ACSM1: variants seen among roughly 807,000 people sequenced by gnomAD.
The protein encoded by ACSM1 is acyl-coenzyme A synthetase ACSM1, mitochondrial.
In ACSM1, 79 loss-of-function variants were observed where a neutral mutation model predicts 75.8. That is an observed-to-expected ratio of 1.04 (90% confidence interval 0.87 to 1.26). The LOEUF is 1.26. Ranked by LOEUF, ACSM1 falls within the 50% of genes most tolerant of loss-of-function variation. The pLI is 0.00. For synonymous variants in ACSM1, 279 were observed against 265.8 expected, an observed-to-expected ratio of 1.05 and a Z score of -0.48; for missense variants, 676 against 720.1, an observed-to-expected ratio of 0.94 and a Z score of 0.70.
intron 4 of ACSM1, chr16:20,674,121 G>C (rs1407047150): frequency 8.9e-6 from 4 of 447,710 alleles, no homozygotes; most frequent in Non-Finnish European, 1.8e-5. Context: ...GGAATTAAAA[G>C]AAATTAAAGA....
chr16:20,686,875 T>C (rs976050695), intron 2 of ACSM1, among the ~76,000 whole-genome samples: 10 of 151,916 alleles, frequency 6.6e-5, no homozygotes, highest in Non-Finnish European at 1.3e-4. Flanking sequence ...CAGTAGTATA[T>C]GTACAAGAAG....
chr16:20,648,756 G>A lies in ACSM1; in HGVS notation c.993-8172C>T. ...CAATCAGAAAATCCTTCTATGACCT[G>A]GAAGCCTCTGCTTTGAGTTGTTCCA... On this transcript the variant is annotated intron_variant, in intron 7 of 13. Coordinates refer to ENST00000520010, the MANE Select transcript of ACSM1 (RefSeq NM_001318890.3). The surrounding 1 kb of genome is among the most constrained non-coding windows in gnomAD (Gnocchi z 4.2). Among the ~76,000 whole-genome samples the A allele has an allele frequency of 6.6e-6, 1 of 152,106 alleles. No homozygotes were observed. The highest frequency in any genetic ancestry group is 1.9e-4 in the East Asian group (1 of 5,192).
intron 7 of ACSM1, among the ~76,000 whole-genome samples, chr16:20,646,382 C>T (rs1473915918): frequency 1.3e-5 from 2 of 152,204 alleles, no homozygotes; most frequent in Non-Finnish European, 2.9e-5. Context: ...CCAGATGATC[C>T]AGCAGCAGGA....
intron 10 of ACSM1, among the ~76,000 whole-genome samples, chr16:20,627,946 A>AGAAT (rs1412397261): frequency 1.4e-4 from 20 of 137,964 alleles, no homozygotes; most frequent in Non-Finnish European, 3.1e-5. Flanking sequence ...ACACTACACT[A>AGAAT]GAATGAAATT....
intron 12 of ACSM1, 140 bp downstream of exon 12, chr16:20,625,283 C>G: frequency 1.3e-6 from 1 of 748,200 alleles, no homozygotes; most frequent in Admixed American, 2.5e-5. Flanking sequence ...TCCACACTGT[C>G]CCCTGGTGCC....
At chr16:20,649,129 AG>A (rs1567269265) in intron 7 of ACSM1, among the ~76,000 whole-genome samples, 1 of 152,158 alleles carries the variant, frequency 6.6e-6, no homozygotes, top group Non-Finnish European at 1.5e-5. Context: ...TAGGGGTCCA[AG>A]AGCCTATGGC....
chr16:20,680,345 C>T (rs1239043599), intron 4 of ACSM1: 1 of 152,194 alleles, frequency 6.6e-6, no homozygotes, highest in African/African-American at 2.4e-5. Flanking sequence ...GGTCCATAAT[C>T]ATTCTATAAG....
chr16:20,669,472 AC>A (rs1268278703), intron 6 of ACSM1, among the ~76,000 whole-genome samples: 127 of 151,564 alleles, frequency 8.4e-4, no homozygotes, highest in Non-Finnish European at 1.3e-3. Context: ...ACACACACAC[AC>A]ACACACACAC....
rs374267586 is a variant in ACSM1 at position 20,640,503 on chromosome 16, C to T, written c.1074G>A (p.Arg358=). 1.7e-5 allele frequency: 27 copies of T among 1,614,076 alleles called. No individual in the cohort carries two copies. The highest frequency in any genetic ancestry group is 2.2e-5 in the Non-Finnish European group (26 of 1,180,024). The change falls in exon 8 of 14, where the codon CGG becomes CGA. Residue 358 remains arginine, a synonymous_variant. Coordinates refer to ENST00000520010, the MANE Select transcript of ACSM1 (RefSeq NM_001318890.3). Reference sequence around the variant, plus strand: ...AGTTCTCGTAGAGCAGAAGGCCCGTCCGTCTTTTCCACTCCTCCTGATCCT... The same window carrying T: ...AGTTCTCGTAGAGCAGAAGGCCCGTTCGTCTTTTCCACTCCTCCTGATCCT... ...LPKDQEEWKR[R]TGLLLYENYG...
In ACSM1 at chr16:20,625,368, C is replaced by A. The variant is rs184167683; in HGVS notation, c.1527+55G>T. Reference sequence around the variant, plus strand: ...AGGTAAAGCCTGGATGTTTCCCCTGCACCTGCTTTCCTAGTGCCCACGCAC... The same window carrying A: ...AGGTAAAGCCTGGATGTTTCCCCTGAACCTGCTTTCCTAGTGCCCACGCAC... On this transcript the variant is annotated intron_variant, in intron 12 of 13. Coordinates refer to ENST00000520010, the MANE Select transcript of ACSM1 (RefSeq NM_001318890.3). 300 of 1,553,564 alleles carry A rather than the reference C, an allele frequency of 1.9e-4. 1 individual carries two copies. In the East Asian group the frequency reaches 6.4e-3, roughly 33 times the overall value.
rs768387238 is a variant in ACSM1 at position 20,671,515 on chromosome 16, G to A, written c.752+16C>T. ...ACATCTGGGTCCAGCCTCTATGTCG[G>A]TGCCCTCTTTCCTACCTTCCTGGGA... On this transcript the variant is annotated intron_variant, in intron 5 of 13. Coordinates refer to ENST00000520010, the MANE Select transcript of ACSM1 (RefSeq NM_001318890.3). 1.3e-6 allele frequency: 2 copies of A among 1,595,806 alleles called. No individual in the cohort carries two copies. The highest frequency in any genetic ancestry group is 2.3e-5 in the South Asian group (2 of 87,422).
intron 7 of ACSM1, among the ~76,000 whole-genome samples, chr16:20,655,373 T>C (rs1187445326): frequency 6.6e-6 from 1 of 151,804 alleles, no homozygotes; most frequent in Non-Finnish European, 1.5e-5. Context: ...GTTGTGCACA[T>C]GTACCCTAGA....
chr16:20,666,751 C>A (rs972849003), intron 6 of ACSM1, among the ~76,000 whole-genome samples: 23 of 152,066 alleles, frequency 1.5e-4, no homozygotes, highest in Non-Finnish European at 2.8e-4. Flanking sequence ...GGTACTGGTA[C>A]AAAAACAGAC....
chr16:20,682,532 T>C (rs952965758), intron 3 of ACSM1, 69 bp from the exon 4 acceptor site: 5 of 1,309,300 alleles, frequency 3.8e-6, no homozygotes, highest in Non-Finnish European at 5.5e-6. Flanking sequence ...ACTTGGCTTG[T>C]CTGCATCGAA....
intron 1 of ACSM1, among the ~76,000 whole-genome samples, chr16:20,692,443 G>T (rs1021322293): frequency 3.3e-5 from 5 of 152,158 alleles, no homozygotes; most frequent in Non-Finnish European, 7.3e-5. Context: ...TGAAGACCTG[G>T]GATTAATGGC....
intron 5 of ACSM1, among the ~76,000 whole-genome samples, chr16:20,670,365 A>C (rs1174079502): frequency 1.3e-5 from 2 of 151,666 alleles, no homozygotes; most frequent in African/African-American, 4.9e-5. Context: ...CAACTGTGTT[A>C]ATTTCCATCA....
At chr16:20,643,375 T>A (rs535993027) in intron 7 of ACSM1, among the ~76,000 whole-genome samples, 24 of 152,222 alleles carry the variant, frequency 1.6e-4, no homozygotes, top group Middle Eastern at 6.3e-3. Context: ...GTTGCCAAAC[T>A]GTGTCTGGAA....
rs114979981 is a variant in ACSM1, at chr16:20,632,071, T to C, written c.1299+4668A>G. 7.0e-3 allele frequency among the ~76,000 whole-genome samples: 1,066 copies of C among 152,270 alleles called. 17 individuals are homozygous for C. The highest frequency in any genetic ancestry group is 0.032 in the South Asian group (154 of 4,822). On this transcript the variant is annotated intron_variant, in intron 10 of 13. Transcript: ENST00000520010. ...GATATAATCATCTCCAAATATTGCA[T>C]TGGGGGTTAGGATTTCAACATATGA...
intron 3 of ACSM1, among the ~76,000 whole-genome samples, 158 bp downstream of exon 3, chr16:20,685,035 A>G (rs533946556): frequency 8.5e-5 from 13 of 152,382 alleles, no homozygotes; most frequent in African/African-American, 2.9e-4. Context: ...TAATTCCCAC[A>G]GGGCAGGAAG....
Sources: gnomAD v4.1 joint callset for allele counts (sites outside exome capture counted in the v4.1 genomes callset) on GRCh38, gnomAD v4.1.1 for gene constraint, Gnocchi (gnomAD v3.1) non-coding constraint, MANE v1.5 for transcripts, NCBI Gene and HGNC (gene_info 2026-07-23, HGNC 2026-07-21) for gene names.